The following TTLL8 variants were observed in gnomAD, a reference collection of about 807,000 sequenced individuals.
The protein encoded by TTLL8 is tubulin tyrosine ligase like 8.
A neutral mutation model predicts 77.8 loss-of-function variants in TTLL8; 65 were observed. That is an observed-to-expected ratio of 0.84 (90% CI 0.68 to 1.03). The LOEUF (loss-of-function observed/expected upper bound fraction) is 1.03. Among genes scored for constraint, TTLL8 ranks in the 50% least tolerant of loss-of-function variants. TTLL8 has a pLI of 0.00. For missense variants in TTLL8, 910 were observed against 1,004.5 expected (o/e 0.91, Z 1.27); for synonymous variants, 402 against 422.8 (o/e 0.95, Z 0.60).
rs544325336 is a variant in TTLL8, at chr22:50,034,609, G to A, written c.922-147C>T. ...TAGGATGGTCTGGGGCTGGCCTGGC[G>A]GGAAAGGGCTGCGGGTCGGCCCAGG... is the stretch of plus-strand genomic sequence containing the variant. On this transcript the variant is annotated intron_variant, in intron 8 of 13. Transcript: ENST00000266182. This position sits in a 1 kb window ranked among gnomAD's most constrained non-coding sequence, Gnocchi z 4.1. 8.3e-5 allele frequency: 67 copies of A among 803,836 alleles called. No homozygotes were observed. In the African/African-American group the frequency reaches 9.4e-4, roughly 11 times the overall value. 49.8% of individuals were successfully genotyped at this position (803,836 alleles called of 1,614,324 possible). A position where few individuals can be genotyped will look rare whatever the true frequency, so the allele number is the denominator to read the frequency against.
intron 12 of TTLL8, among the ~76,000 whole-genome samples, chr22:50,021,370 C>A (rs1040468207): frequency 2.1e-5 from 3 of 142,292 alleles, no homozygotes; most frequent in African/African-American, 8.0e-5. Flanking sequence ...GACATGCACT[C>A]CTCCATCTGA....
chr22:50,029,526 G>A (rs937542472), intron 12 of TTLL8, among the ~76,000 whole-genome samples: 1 of 152,048 alleles, frequency 6.6e-6, no homozygotes, highest in African/African-American at 2.4e-5. Context: ...GGATCACGAG[G>A]TCAGGAGGTG....
At chr22:50,057,018 G>T, upstream of TTLL8, 1 of 1,253,520 alleles carries the variant, frequency 8.0e-7, no homozygotes, top group African/African-American at 1.5e-5. Context: ...GGAGGGTGTG[G>T]GGGGCTCTGG....
intron 12 of TTLL8, among the ~76,000 whole-genome samples, chr22:50,022,310 A>G (rs944943906): frequency 5.4e-4 from 61 of 113,204 alleles, no homozygotes; most frequent in Middle Eastern, 8.5e-3. Flanking sequence ...TCTGATGCAC[A>G]CTCCTCCGAC....
At chr22:50,053,366 A>G (rs2061454471) in intron 1 of TTLL8, among the ~76,000 whole-genome samples, 1 of 152,212 alleles carries the variant, frequency 6.6e-6, no homozygotes. Flanking sequence ...GCTAGAAAAC[A>G]AGAACAATAT....
chr22:50,031,843 T>A, exon 11 of TTLL8: 3 of 1,367,172 alleles, frequency 2.2e-6, no homozygotes, highest in Non-Finnish European at 2.9e-6. Context: ...GGGCCTGAAG[T>A]CCCTCCCAAG....
chr22:50,048,095 T>A (rs1193590324), intron 3 of TTLL8, among the ~76,000 whole-genome samples: 1 of 148,656 alleles, frequency 6.7e-6, no homozygotes, highest in Non-Finnish European at 1.5e-5. Context: ...AGACTCCATC[T>A]GAAAACACCC....
At chr22:50,043,405 CGGT>C (rs2061386330) in intron 6 of TTLL8, among the ~76,000 whole-genome samples, 1 of 91,054 alleles carries the variant, frequency 1.1e-5, no homozygotes, top group East Asian at 3.1e-4. Flanking sequence ...AGACGTCCTT[CGGT>C]AGATGGATAG....
intron 1 of TTLL8, among the ~76,000 whole-genome samples, chr22:50,052,063 A>G (rs2061446759): frequency 6.6e-6 from 1 of 151,586 alleles, no homozygotes; most frequent in African/African-American, 2.4e-5. Flanking sequence ...CCTCTCTGGG[A>G]ACCCCGAGTC....
chr22:50,052,998 G>A (rs192363948), intron 1 of TTLL8, among the ~76,000 whole-genome samples: 1 of 152,176 alleles, frequency 6.6e-6, no homozygotes, highest in Admixed American at 6.5e-5. Context: ...GAGGTGGGTG[G>A]ATCACCTGAG....
chr22:50,022,657 T>C (rs75401873), intron 12 of TTLL8, among the ~76,000 whole-genome samples: 5,086 of 152,354 alleles, frequency 0.033, 100 homozygotes, highest in South Asian at 0.052. Flanking sequence ...CATCTGACGA[T>C]GTGTTTTGAT....
upstream of TTLL8, chr22:50,055,360 C>G (rs953722154): frequency 1.7e-5 from 22 of 1,284,518 alleles, 1 homozygote; most frequent in Non-Finnish European, 2.0e-5. Context: ...AGTCAAAGGA[C>G]AAGGCATCCA....
chr22:50,030,743 T>A, exon 12 of TTLL8: 1 of 1,327,616 alleles, frequency 7.5e-7, no homozygotes, highest in South Asian at 1.2e-5. Context: ...GAGCTGGTGA[T>A]GGGGGTCCCT....
chr22:50,045,410 C>T (rs1315222236), intron 5 of TTLL8, 21 bp from the exon 8 acceptor site: 18 of 1,363,386 alleles, frequency 1.3e-5, no homozygotes, highest in Non-Finnish European at 1.6e-5. Flanking sequence ...AGCACAGCCT[C>T]GCCCTATCTG....
At chr22:50,036,397 G>A (rs1342323083) in intron 8 of TTLL8, among the ~76,000 whole-genome samples, 3 of 152,164 alleles carry the variant, frequency 2.0e-5, no homozygotes, top group Non-Finnish European at 2.9e-5. Context: ...ACTCAAAAAA[G>A]TCAAGTTGAA....
chr22:50,047,058 AG>A, intron 4 of TTLL8, 109 bp downstream of exon 6: 2 of 1,260,782 alleles, frequency 1.6e-6, no homozygotes, highest in South Asian at 2.7e-5. Context: ...GGATGCACCC[AG>A]GAGGTGACTG....
intron 12 of TTLL8, chr22:50,027,844 A>G: frequency 1.0e-6 from 1 of 979,644 alleles, no homozygotes; most frequent in Non-Finnish European, 1.2e-6. Context: ...AAGCAAGCCC[A>G]GCTCCTCCCG....
upstream of TTLL8, among the ~76,000 whole-genome samples, chr22:50,056,450 G>A (rs945814813): frequency 1.3e-5 from 2 of 152,186 alleles, no homozygotes; most frequent in African/African-American, 4.8e-5. The surrounding 1 kb of genome is among the most constrained non-coding windows in gnomAD (Gnocchi z 4.1). Flanking sequence ...AACGGTTGGG[G>A]GACCTTCTAA....
intron 6 of TTLL8, among the ~76,000 whole-genome samples, chr22:50,043,174 G>A (rs1326119338): frequency 6.6e-6 from 1 of 151,552 alleles, no homozygotes; most frequent in Non-Finnish European, 1.5e-5. Context: ...CAGTGGTGCC[G>A]ACATGTCCTT....
Sources: allele counts gnomAD v4.1 joint callset (sites outside exome capture counted in the v4.1 genomes callset), GRCh38; gene constraint gnomAD v4.1.1; non-coding constraint Gnocchi (gnomAD v3.1); transcripts MANE v1.5; gene names NCBI Gene and HGNC (gene_info 2026-07-23, HGNC 2026-07-21).